TNS1: variants seen among roughly 807,000 people sequenced by gnomAD.
TNS1 encodes the protein tensin 1, also known as tensin-1.
Under a neutral mutation model 168.6 loss-of-function variants are expected in TNS1, and 62 were observed. The ratio of observed to expected loss-of-function variants is 0.37; its 90% CI spans 0.30 to 0.45. TNS1 has a LOEUF of 0.45. TNS1 is among the 20% of genes least tolerant of loss of function. The pLI is 1.00. For synonymous variants in TNS1, 934 were observed against 933.2 expected (o/e 1.00, Z -0.02); for missense variants, 2,240 against 2,339.4 (o/e 0.96, Z 0.88).
intron 3 of TNS1, among the ~76,000 whole-genome samples, chr2:217,944,365 A>G (rs1274385836): frequency 6.8e-6 from 1 of 147,952 alleles, no homozygotes; most frequent in Non-Finnish European, 1.5e-5. Context: ...CTTGGGGGAC[A>G]GGGGTGGGGA....
chr2:217,943,283 C>A (rs1199731915), intron 3 of TNS1, among the ~76,000 whole-genome samples: 1 of 152,130 alleles, frequency 6.6e-6, no homozygotes, highest in Non-Finnish European at 1.5e-5. Flanking sequence ...TGCTTTGAAC[C>A]CTAACCTTGC....
rs143679121 is a variant in TNS1 at position 217,870,490 on chromosome 2, G to A, written c.1429+10408C>T. Reference sequence around the variant, plus strand: ...CCTTTTATTGGATATAATTAGAGTCGGTATCTTGGGGTCTTGATGGGTCCG... The same window carrying A: ...CCTTTTATTGGATATAATTAGAGTCAGTATCTTGGGGTCTTGATGGGTCCG... On this transcript the variant is annotated intron_variant, in intron 18 of 32. Coordinates refer to ENST00000682258, the MANE Select transcript of TNS1 (RefSeq NM_001387777.1). 7.9e-5 allele frequency among the ~76,000 whole-genome samples: 12 copies of A among 152,280 alleles called. No homozygotes were observed. In the East Asian group the frequency reaches 1.2e-3, roughly 15 times the overall value.
intron 4 of TNS1, 52 bp from the exon 5 acceptor site, chr2:217,907,303 A>G (rs947813957): frequency 8.5e-6 from 6 of 702,412 alleles, no homozygotes; most frequent in African/African-American, 1.7e-5. Flanking sequence ...CATCCCAGGG[A>G]TGGGCTCTCT....
intron 23 of TNS1, 66 bp from the exon 24 acceptor site, chr2:217,818,825 G>T: frequency 1.5e-6 from 2 of 1,344,258 alleles, no homozygotes; most frequent in South Asian, 2.6e-5. Context: ...TTTACAGCAG[G>T]CTGTCTGCCC....
intron 23 of TNS1, among the ~76,000 whole-genome samples, 198 bp from the exon 24 acceptor site, chr2:217,818,957 A>T (rs1378178976): frequency 6.6e-6 from 1 of 152,200 alleles, no homozygotes; most frequent in Non-Finnish European, 1.5e-5. Context: ...GAGGTTAAGC[A>T]GTAGGCTTAG....
At chr2:217,830,059 C>T (rs1027217866) in intron 22 of TNS1, 23 of 892,152 alleles carry the variant, frequency 2.6e-5, no homozygotes, top group Admixed American at 1.9e-4. Context: ...AGGCCAGGGC[C>T]GATTTGCGCT....
rs149603741 is a variant in TNS1 at position 217,941,070 on chromosome 2, G to A, written c.187-20834C>T. The stretch of plus-strand genomic sequence containing the variant: ...CCACTTGATGCTGCCCGGACAACCC[G>A]CATTATTTACAAATGTGGAAACTGA... On this transcript the variant is annotated intron_variant, in intron 3 of 32. Transcript: ENST00000682258. 1.3e-4 allele frequency among the ~76,000 whole-genome samples: 20 copies of A among 152,250 alleles called. No individual in the cohort carries two copies. In the South Asian group the frequency reaches 3.9e-3, roughly 30 times the overall value.
Position 218,002,846 on chromosome 2 carries a change from C to A in TNS1, c.27G>T (p.Met9Ile). The A allele has an allele frequency of 2.2e-6, 1 of 456,914 alleles. No homozygotes were observed. Among genetic ancestry groups the A allele is most frequent in the Non-Finnish European group, 4.4e-6 (1 of 226,990 alleles). 28.3% of individuals were successfully genotyped at this position (456,914 alleles called of 1,614,324 possible). MTWICLSCMLWPEDLEAPK... is the reference protein window; with the variant it reads MTWICLSCILWPEDLEAPK... ...CTAAAGCAGCCAGACCTACCCAGAGCATGCAGGACAGACAGATCCACGTCA... is the reference window on the plus strand; with the variant it reads ...CTAAAGCAGCCAGACCTACCCAGAGAATGCAGGACAGACAGATCCACGTCA... Residue 9 changes from methionine (M) to isoleucine (I), a missense_variant, in exon 1 of 33, where the codon ATG becomes ATT. Physicochemically the swap from Met to Ile is conservative, Grantham distance 10. This residue lies in a region of TNS1 where 2,131 missense variants were observed against 2,171.2 expected (regional missense o/e 0.98). Transcript: ENST00000682258.
chr2:217,911,307 C>T (rs558165476), intron 4 of TNS1, among the ~76,000 whole-genome samples: 8 of 152,296 alleles, frequency 5.3e-5, no homozygotes, highest in South Asian at 2.1e-4. Flanking sequence ...CTGCTCTTAG[C>T]GGGCTGCTCT....
chr2:218,014,925 C>T (rs6736805), upstream of TNS1, among the ~76,000 whole-genome samples: 4 of 56,034 alleles, frequency 7.1e-5, no homozygotes, highest in African/African-American at 2.4e-4. Context: ...GGAAGGAAGG[C>T]AGGCAGGCAG....
chr2:217,808,043 C>T, intron 32 of TNS1, 32 bp downstream of exon 32: 2 of 1,612,696 alleles, frequency 1.2e-6, no homozygotes, highest in East Asian at 2.2e-5. Context: ...CAAAGGCCAG[C>T]CTGCTGGGCA....
chr2:217,917,217 A>G (rs1025918021), intron 4 of TNS1, among the ~76,000 whole-genome samples: 4 of 152,206 alleles, frequency 2.6e-5, no homozygotes, highest in African/African-American at 9.6e-5. Context: ...TTCACCAGCT[A>G]GGGAACATGG....
chr2:217,811,189 AT>A (rs1337217538), intron 28 of TNS1, among the ~76,000 whole-genome samples: 1 of 152,262 alleles, frequency 6.6e-6, no homozygotes, highest in East Asian at 1.9e-4. Context: ...CAATATTTGC[AT>A]TTTTTAACAA....
upstream of TNS1, among the ~76,000 whole-genome samples, chr2:218,003,494 C>T (rs1958608492): frequency 6.6e-6 from 1 of 152,054 alleles, no homozygotes; most frequent in Admixed American, 6.5e-5. Context: ...CAGACTGGGA[C>T]AGACTCTGGT....
intron 6 of TNS1, among the ~76,000 whole-genome samples, chr2:217,903,057 C>G (rs1296021233): frequency 6.6e-6 from 1 of 152,188 alleles, no homozygotes; most frequent in Non-Finnish European, 1.5e-5. Context: ...AGAGATGGTG[C>G]CTTTGGAAGC....
chr2:218,025,138 G>A (rs1210995987), intron 1 of TNS1, among the ~76,000 whole-genome samples: 1 of 152,134 alleles, frequency 6.6e-6, no homozygotes, highest in Non-Finnish European at 1.5e-5. Context: ...TGGACCAAAG[G>A]CCCTGGACCT....
chr2:217,893,392 GCGCGCGCGCACACACA>G (rs1559313931), intron 10 of TNS1, 31 bp downstream of exon 10: 2 of 1,478,948 alleles, frequency 1.4e-6, no homozygotes, highest in African/African-American at 3.6e-5. Context: ...GTGCGCATGT[GCGCGCGCGCACACACA>G]CACACACACA....
intron 1 of TNS1, among the ~76,000 whole-genome samples, chr2:218,002,142 C>G (rs544817306): frequency 6.6e-6 from 1 of 152,294 alleles, no homozygotes; most frequent in East Asian, 1.9e-4. Flanking sequence ...TTAACCTTCA[C>G]CACGTGGCCC....
rs201192830 is a variant in TNS1 at position 217,835,164 on chromosome 2, G to A, written c.3207C>T (p.Pro1069=). 1 of 1,601,354 alleles carries A rather than the reference G, an allele frequency of 6.2e-7. No individual in the cohort carries two copies. Among genetic ancestry groups the A allele is most frequent in the Admixed American group, 1.7e-5 (1 of 57,856 alleles). ...ALNPGGRPKE[P]HLHSYKEAFE... Reference sequence around the variant, plus strand: ...AGGCCTCCTTGTAGCTGTGCAAATGGGGCTGTGGGAGAACACAGGGGAGAA... The same window carrying A: ...AGGCCTCCTTGTAGCTGTGCAAATGAGGCTGTGGGAGAACACAGGGGAGAA... The change falls in exon 21 of 33, where the codon CCC becomes CCT. Residue 1069 remains proline (P), a splice_region_variant and synonymous_variant. Coordinates refer to ENST00000682258, the MANE Select transcript of TNS1 (RefSeq NM_001387777.1).
Sources: gnomAD v4.1 joint callset for allele counts (sites outside exome capture counted in the v4.1 genomes callset) on GRCh38, gnomAD v4.1.1 for gene constraint, gnomAD v4.1.1 regional missense constraint, MANE v1.5 for transcripts, NCBI Gene and HGNC (gene_info 2026-07-23, HGNC 2026-07-21) for gene names.